The following KLHL2 variants were observed in gnomAD, a reference collection of about 807,000 sequenced individuals.
The protein encoded by KLHL2 is kelch-like protein 2.
KLHL2 carries 15 observed loss-of-function variants against 75.8 expected under a neutral mutation model. That is an observed-to-expected ratio of 0.20 (90% confidence interval 0.13 to 0.30). The LOEUF (loss-of-function observed/expected upper bound fraction) is 0.30, where lower values mean the gene tolerates loss of function less well. KLHL2 is among the 10% of genes least tolerant of loss of function. KLHL2 has a pLI of 1.00. For missense variants in KLHL2, 381 were observed against 741.0 expected (o/e 0.51, Z 5.64); for synonymous variants, 214 against 251.9 (o/e 0.85, Z 1.42).
In KLHL2 at chr4:165,305,712, G is replaced by A. The variant is rs1322760235; in HGVS notation, c.1026G>A (p.Arg342=). 6.2e-7 allele frequency: 1 copy of A among 1,612,492 alleles called. No individual in the cohort carries two copies. The highest frequency in any genetic ancestry group is 1.3e-5 in the African/African-American group (1 of 75,020). ...RWHQVAELPS[R]RCRAGMVYMA... ...ACCAAGTAGCAGAGTTGCCTTCCAG[G>A]AGGTGCAGGGCAGGTAAGCATGATG... Residue 342 remains arginine, a synonymous_variant, in exon 9 of 15, where the codon AGG becomes AGA. Transcript: ENST00000226725.
intron 5 of KLHL2, among the ~76,000 whole-genome samples, chr4:165,276,085 A>C (rs1743069901): frequency 6.6e-6 from 1 of 152,290 alleles, no homozygotes; most frequent in South Asian, 2.1e-4. Flanking sequence ...CTGAGATCAC[A>C]CCACTGCACT....
intron 4 of KLHL2, among the ~76,000 whole-genome samples, chr4:165,255,471 G>A (rs1372955042): frequency 2.0e-5 from 3 of 151,952 alleles, no homozygotes; most frequent in African/African-American, 7.3e-5. Context: ...GGAGGCAGGC[G>A]AGGTTGCATG....
intron 5 of KLHL2, among the ~76,000 whole-genome samples, chr4:165,273,226 C>T (rs1454389757): frequency 6.6e-6 from 1 of 152,082 alleles, no homozygotes; most frequent in African/African-American, 2.4e-5. Context: ...GAAAAGTACA[C>T]AAATCATGTC....
In KLHL2 at chr4:165,207,902, C is replaced by CGTGA. The variant is rs1736934414; in HGVS notation, c.26+6_26+9dup. The CGTGA allele has an allele frequency of 4.2e-6, 6 of 1,432,326 alleles. No individual in the cohort carries two copies. The highest frequency in any genetic ancestry group is 5.5e-6 in the Non-Finnish European group (6 of 1,085,230). 88.7% of individuals were successfully genotyped at this position (1,432,326 alleles called of 1,614,324 possible). ...ATGGAGACGCCGCCGCTGCCTCCCG[C>CGTGA]GTGAGTGAGCGGGCGGGCGGGCTGC... On this transcript the variant is annotated stop_gained and frameshift_variant and splice_region_variant. Coordinates refer to ENST00000226725, the MANE Select transcript of KLHL2 (RefSeq NM_007246.4). LOFTEE classifies it high-confidence loss of function. This position sits in a 1 kb window ranked among gnomAD's most constrained non-coding sequence, Gnocchi z 4.2.
intron 3 of KLHL2, among the ~76,000 whole-genome samples, chr4:165,237,147 A>G (rs1380420317): frequency 6.6e-6 from 1 of 151,886 alleles, no homozygotes; most frequent in African/African-American, 2.4e-5. Flanking sequence ...TTTGGCACAA[A>G]AGAGGCTTCA....
intron 1 of KLHL2, among the ~76,000 whole-genome samples, chr4:165,214,992 C>T (rs1304993413): frequency 6.6e-6 from 1 of 151,798 alleles, no homozygotes; most frequent in Non-Finnish European, 1.5e-5. Context: ...ATACTGAAGA[C>T]CTAATCCAAG....
chr4:165,251,803 G>A (rs1740744322), intron 4 of KLHL2, among the ~76,000 whole-genome samples: 1 of 151,680 alleles, frequency 6.6e-6, no homozygotes, highest in South Asian at 2.1e-4. Context: ...TAGAGACGGG[G>A]TTTCACCGTT....
intron 1 of KLHL2, among the ~76,000 whole-genome samples, chr4:165,218,998 A>G (rs1737769635): frequency 6.6e-6 from 1 of 152,202 alleles, no homozygotes; most frequent in Non-Finnish European, 1.5e-5. Flanking sequence ...TATTAAATTT[A>G]TAAAGTTTTA....
chr4:165,259,383 A>G (rs921480431), intron 4 of KLHL2, among the ~76,000 whole-genome samples: 5 of 152,212 alleles, frequency 3.3e-5, no homozygotes, highest in African/African-American at 1.2e-4. Flanking sequence ...TGCTGGGATT[A>G]CAGGTGTGAG....
intron 5 of KLHL2, among the ~76,000 whole-genome samples, chr4:165,293,499 CTTT>C (rs559134623): frequency 1.4e-5 from 2 of 142,838 alleles, no homozygotes; most frequent in Non-Finnish European, 1.5e-5. Flanking sequence ...TTCTGTCTCT[CTTT>C]TTTTTTTTTT....
intron 13 of KLHL2, 46 bp from the exon 14 acceptor site, chr4:165,317,780 A>G (rs757767336): frequency 1.3e-6 from 2 of 1,498,516 alleles, no homozygotes; most frequent in African/African-American, 2.8e-5. Context: ...ACTCATATTC[A>G]TCCCAATTTT....
At chr4:165,231,458 T>A (rs563137611) in intron 3 of KLHL2, among the ~76,000 whole-genome samples, 2 of 152,158 alleles carry the variant, frequency 1.3e-5, no homozygotes, top group South Asian at 4.1e-4. Flanking sequence ...ATTACCTATA[T>A]TAAGTGCACA....
At chr4:165,238,631 G>C in intron 3 of KLHL2, 147 bp from the exon 4 acceptor site, 3 of 1,467,348 alleles carry the variant, frequency 2.0e-6, no homozygotes. Flanking sequence ...AGAGGAAGGG[G>C]GGAGTATTTT....
Position 165,319,046 on chromosome 4 carries a change from G to A in KLHL2, c.1753+1077G>A, listed in dbSNP as rs539886927. Reference sequence around the variant, plus strand: ...GGTGTCATTCACAGTCCAGAGAAATGTGAACAAACCACAAAGATACAATAT... The same window carrying A: ...GGTGTCATTCACAGTCCAGAGAAATATGAACAAACCACAAAGATACAATAT... On this transcript the variant is annotated intron_variant, in intron 14 of 14. Transcript: ENST00000226725. The surrounding 1 kb of genome is among the most constrained non-coding windows in gnomAD (Gnocchi z 4.5). Among the ~76,000 whole-genome samples the A allele has an allele frequency of 7.0e-4, 107 of 152,254 alleles. No individual in the cohort carries two copies. The highest frequency in any genetic ancestry group is 2.4e-3 in the African/African-American group (101 of 41,548).
At chr4:165,293,547 G>A (rs1307344059) in intron 5 of KLHL2, among the ~76,000 whole-genome samples, 1 of 150,198 alleles carries the variant, frequency 6.7e-6, no homozygotes, top group Non-Finnish European at 1.5e-5. Flanking sequence ...CTGTCATCCA[G>A]GCTGGAGTGC....
At chr4:165,320,730 C>T (rs909093999) in intron 14 of KLHL2, among the ~76,000 whole-genome samples, 5 of 152,074 alleles carry the variant, frequency 3.3e-5, no homozygotes, top group African/African-American at 1.2e-4. Flanking sequence ...TAAATTCCTG[C>T]TGGAAAAAAA....
At chr4:165,252,921 GT>G (rs1740855336) in intron 4 of KLHL2, among the ~76,000 whole-genome samples, 1 of 152,174 alleles carries the variant, frequency 6.6e-6, no homozygotes, top group Non-Finnish European at 1.5e-5. Context: ...TGGGAGTTTG[GT>G]TCCATGACTT....
At chr4:165,279,186 G>A in intron 5 of KLHL2, 1 of 1,576,848 alleles carries the variant, frequency 6.3e-7, no homozygotes, top group Non-Finnish European at 8.7e-7. Context: ...AGCCAGCGAA[G>A]TTTCACTGCA....
intron 14 of KLHL2, among the ~76,000 whole-genome samples, chr4:165,320,071 A>G (rs1746854211): frequency 6.6e-6 from 1 of 152,230 alleles, no homozygotes; most frequent in South Asian, 2.1e-4. Flanking sequence ...AGGGGCCAGC[A>G]GATGAGCTCC....
Sources: allele counts gnomAD v4.1 joint callset (sites outside exome capture counted in the v4.1 genomes callset), GRCh38; gene constraint gnomAD v4.1.1; non-coding constraint Gnocchi (gnomAD v3.1); transcripts MANE v1.5; gene names NCBI Gene and HGNC (gene_info 2026-07-23, HGNC 2026-07-21).